NEDD4L: variants seen among roughly 807,000 people sequenced by gnomAD.
NEDD4L encodes NEDD4 like E3 ubiquitin protein ligase, also known as E3 ubiquitin-protein ligase NEDD4-like.
In NEDD4L, 54 loss-of-function variants were observed where a neutral mutation model predicts 148.9. The ratio of observed to expected loss-of-function variants is 0.36; its 90% CI spans 0.29 to 0.45. The LOEUF (loss-of-function observed/expected upper bound fraction) is 0.45. Among genes scored for constraint, NEDD4L ranks in the 20% least tolerant of loss-of-function variants. NEDD4L has a pLI of 1.00. For missense variants in NEDD4L, 856 were observed against 1,233.8 expected, an observed-to-expected ratio of 0.69 and a Z score of 4.59; for synonymous variants, 433 against 440.7, an observed-to-expected ratio of 0.98 and a Z score of 0.22.
chr18:58,093,351 A>G (rs1218531865), intron 1 of NEDD4L, among the ~76,000 whole-genome samples: 2 of 152,194 alleles, frequency 1.3e-5, no homozygotes, highest in Non-Finnish European at 2.9e-5. Flanking sequence ...GAACTGCGCA[A>G]GACAGTGTAC....
intron 1 of NEDD4L, among the ~76,000 whole-genome samples, chr18:58,153,194 T>C (rs533567750): frequency 6.7e-6 from 1 of 149,324 alleles, no homozygotes; most frequent in East Asian, 2.0e-4. Context: ...TGATGATAAT[T>C]TTTTTTTAAA....
intron 5 of NEDD4L, among the ~76,000 whole-genome samples, chr18:58,264,836 A>G (rs2049990482): frequency 6.6e-6 from 1 of 152,118 alleles, no homozygotes. Context: ...TTACTTTTGC[A>G]GTAATAGAGA....
chr18:58,371,989 T>C (rs1309416729), intron 23 of NEDD4L: 2 of 152,248 alleles, frequency 1.3e-5, no homozygotes, highest in Non-Finnish European at 1.5e-5. Context: ...GGCCTGTGAC[T>C]GATCCTCTGG....
At chr18:58,268,983 G>A (rs1009661899) in intron 5 of NEDD4L, among the ~76,000 whole-genome samples, 6 of 152,012 alleles carry the variant, frequency 3.9e-5, no homozygotes, top group African/African-American at 1.4e-4. Flanking sequence ...CCCTTCCCAA[G>A]CCTCAGGCCT....
chr18:58,154,168 A>G (rs1599159918), intron 1 of NEDD4L, among the ~76,000 whole-genome samples: 1 of 152,224 alleles, frequency 6.6e-6, no homozygotes, highest in African/African-American at 2.4e-5. Context: ...CTGTAAGGCC[A>G]AGAAAAGTTT....
intron 2 of NEDD4L, among the ~76,000 whole-genome samples, chr18:58,168,376 A>G (rs1016933753): frequency 2.0e-5 from 3 of 152,220 alleles, no homozygotes; most frequent in African/African-American, 4.8e-5. Flanking sequence ...ATTTTGCCAG[A>G]TGACCTGCAT....
At chr18:58,142,554 C>T (rs764998997) in intron 1 of NEDD4L, among the ~76,000 whole-genome samples, 10 of 152,144 alleles carry the variant, frequency 6.6e-5, no homozygotes, top group South Asian at 6.2e-4. Context: ...CAGAGGATTG[C>T]TGAGGATAGC....
chr18:58,236,690 C>A (rs926149119), intron 2 of NEDD4L, among the ~76,000 whole-genome samples: 1 of 152,200 alleles, frequency 6.6e-6, no homozygotes, highest in African/African-American at 2.4e-5. Context: ...AAGTTATGAC[C>A]ATTGCTCATA....
rs1026859991 is a variant in NEDD4L at position 58,186,729 on chromosome 18, A to C, written c.122+20868A>C. 3.4e-4 allele frequency among the ~76,000 whole-genome samples: 52 copies of C among 152,232 alleles called. 1 individual carries two copies. ...AAGTCACAGCAGACTTAAGTGCCGGAGTTGGAGCTGCATTCCGGTATGCTT... is the reference window on the plus strand; with the variant it reads ...AAGTCACAGCAGACTTAAGTGCCGGCGTTGGAGCTGCATTCCGGTATGCTT... On this transcript the variant is annotated intron_variant, in intron 2 of 30. Transcript: ENST00000400345.
intron 5 of NEDD4L, among the ~76,000 whole-genome samples, chr18:58,303,576 A>C (rs1186318418): frequency 1.3e-5 from 2 of 152,228 alleles, no homozygotes; most frequent in Admixed American, 1.3e-4. Flanking sequence ...TGGCAGCCAC[A>C]TAGTGAACTA....
chr18:58,119,213 C>G (rs570453341), intron 1 of NEDD4L, among the ~76,000 whole-genome samples: 22 of 152,290 alleles, frequency 1.4e-4, no homozygotes, highest in African/African-American at 5.1e-4. Context: ...CCCTTCTGTT[C>G]CAGTCATTCT....
At chr18:58,078,967 G>A (rs1232156857) in intron 1 of NEDD4L, among the ~76,000 whole-genome samples, 1 of 152,188 alleles carries the variant, frequency 6.6e-6, no homozygotes, top group African/African-American at 2.4e-5. Flanking sequence ...CTGTATGGCT[G>A]TTGGAAGATT....
chr18:58,046,667 G>A (rs1040228152), intron 1 of NEDD4L: 1 of 152,182 alleles, frequency 6.6e-6, no homozygotes, highest in Non-Finnish European at 1.5e-5. Context: ...GATGTCTAGT[G>A]TGAAAGTGAA....
At chr18:58,349,660 C>T (rs780497543) in intron 17 of NEDD4L, 46 bp downstream of exon 17, 6 of 1,432,864 alleles carry the variant, frequency 4.2e-6, no homozygotes, top group Non-Finnish European at 3.0e-6. Context: ...ATGTGTGTTC[C>T]TTTATCCGCT....
intron 9 of NEDD4L, among the ~76,000 whole-genome samples, chr18:58,325,586 C>G (rs936418596): frequency 4.6e-5 from 7 of 152,200 alleles, no homozygotes; most frequent in Admixed American, 6.5e-5. Context: ...GATGTTTACT[C>G]TCTTCAATGC....
chr18:58,293,035 C>T (rs922201211), intron 5 of NEDD4L, among the ~76,000 whole-genome samples: 7 of 152,202 alleles, frequency 4.6e-5, no homozygotes, highest in African/African-American at 1.4e-4. Flanking sequence ...GTATTTTTCT[C>T]TCATGTCATT....
chr18:58,058,125 G>T (rs557128385), intron 1 of NEDD4L, among the ~76,000 whole-genome samples: 1 of 152,258 alleles, frequency 6.6e-6, no homozygotes, highest in East Asian at 1.9e-4. Context: ...GGCCAATATG[G>T]TGAAACCCCG....
intron 2 of NEDD4L, among the ~76,000 whole-genome samples, chr18:58,243,334 C>CT (rs1246436487): frequency 6.6e-6 from 1 of 152,154 alleles, no homozygotes; most frequent in East Asian, 1.9e-4. Flanking sequence ...GCCTTGAGCT[C>CT]TTTTATAAGC....
intron 18 of NEDD4L, among the ~76,000 whole-genome samples, chr18:58,353,861 G>A (rs1040354096): frequency 3.3e-5 from 5 of 152,222 alleles, no homozygotes; most frequent in African/African-American, 1.2e-4. Context: ...CCGTCATCTT[G>A]TAAATTGCTT....
Sources: gnomAD v4.1 joint callset for allele counts (sites outside exome capture counted in the v4.1 genomes callset) on GRCh38, gnomAD v4.1.1 for gene constraint, MANE v1.5 for transcripts, NCBI Gene and HGNC (gene_info 2026-07-23, HGNC 2026-07-21) for gene names.